Variants in TNNI3K observed in about 807,000 individuals in gnomAD.
TNNI3K encodes TNNI3 interacting kinase.
In TNNI3K, 140 loss-of-function variants were observed where a neutral mutation model predicts 114.5. The ratio of observed to expected loss-of-function variants is 1.22; its 90% CI spans 1.07 to 1.41. The LOEUF (loss-of-function observed/expected upper bound fraction) is 1.41. Ranked by LOEUF, TNNI3K falls within the 40% of genes most tolerant of loss-of-function variation. The pLI is 0.00. For synonymous variants in TNNI3K, 347 were observed against 347.5 expected (o/e 1.00, Z 0.02); for missense variants, 1,125 against 1,007.6 (o/e 1.12, Z -1.58).
chr1:74,524,597 A>G (rs1646477844), intron 23 of TNNI3K, among the ~76,000 whole-genome samples: 1 of 152,234 alleles, frequency 6.6e-6, no homozygotes, highest in Non-Finnish European at 1.5e-5. Flanking sequence ...AGCAATGGGC[A>G]TACTTTAATC....
At chr1:74,479,648 A>G (rs1403597829) in intron 21 of TNNI3K, among the ~76,000 whole-genome samples, 1 of 152,222 alleles carries the variant, frequency 6.6e-6, no homozygotes, top group Non-Finnish European at 1.5e-5. Flanking sequence ...TGAGATTGCC[A>G]TAATAGCATC....
At chr1:74,282,892 C>T (rs1657097019) in intron 5 of TNNI3K, among the ~76,000 whole-genome samples, 1 of 152,096 alleles carries the variant, frequency 6.6e-6, no homozygotes, top group African/African-American at 2.4e-5. Flanking sequence ...CTCAGACTAC[C>T]ATAATTTGGA....
intron 17 of TNNI3K, among the ~76,000 whole-genome samples, chr1:74,404,264 AGG>A: frequency 6.6e-6 from 1 of 152,174 alleles, no homozygotes; most frequent in Non-Finnish European, 1.5e-5. Flanking sequence ...CCACAACCTT[AGG>A]AAATATTGGC....
chr1:74,541,098 G>A (rs546504367), intron 24 of TNNI3K, among the ~76,000 whole-genome samples: 3 of 152,164 alleles, frequency 2.0e-5, no homozygotes, highest in African/African-American at 4.8e-5. Context: ...TTGACTATTT[G>A]AAGGACTGAA....
In TNNI3K at chr1:74,381,897, G is replaced by T. The variant is rs148814520; in HGVS notation, c.1772+11505G>T. Among the ~76,000 whole-genome samples, 1,233 of 152,268 alleles carry T rather than the reference G, an allele frequency of 8.1e-3. 17 individuals carry two copies. Among genetic ancestry groups the T allele is most frequent in the African/African-American group, 0.029 (1,195 of 41,542 alleles). ...CCATTATTTATTTGGAAACATAATGGCAGAGAAGGGGAAGTATCATCAGAG... is the reference window on the plus strand; with the variant it reads ...CCATTATTTATTTGGAAACATAATGTCAGAGAAGGGGAAGTATCATCAGAG... On this transcript the variant is annotated intron_variant, in intron 17 of 24. Transcript: ENST00000326637.
chr1:74,368,763 A>G (rs1296682538), intron 13 of TNNI3K, among the ~76,000 whole-genome samples: 1 of 151,872 alleles, frequency 6.6e-6, no homozygotes, highest in Non-Finnish European at 1.5e-5. Flanking sequence ...CCTGGTAACC[A>G]GATCAGGAAT....
chr1:74,283,216 G>C (rs532662199), intron 5 of TNNI3K, among the ~76,000 whole-genome samples: 1 of 152,126 alleles, frequency 6.6e-6, no homozygotes, highest in African/African-American at 2.4e-5. Flanking sequence ...TGGTTTCCTC[G>C]GGAGTTGAAA....
chr1:74,434,114 T>C (rs1666018280), intron 17 of TNNI3K, among the ~76,000 whole-genome samples: 1 of 152,044 alleles, frequency 6.6e-6, no homozygotes, highest in Admixed American at 6.6e-5. Context: ...AACCAGTCTG[T>C]GATTTCAGAG....
At chr1:74,495,583 A>G (rs771984581) in intron 23 of TNNI3K, among the ~76,000 whole-genome samples, 2 of 152,170 alleles carry the variant, frequency 1.3e-5, no homozygotes, top group Non-Finnish European at 1.5e-5. Flanking sequence ...ACTATTTTAA[A>G]CACTTTAAAT....
chr1:74,256,283 CTTTTTTTTTTTTTT>C (rs61636791), intron 4 of TNNI3K, among the ~76,000 whole-genome samples: 2,593 of 42,842 alleles, frequency 0.061, 84 homozygotes, highest in African/African-American at 0.16. Context: ...TGTGGTCAGT[CTTTTTTTTTTTTTT>C]TTTTTTTTTT....
At chr1:74,282,818 C>T (rs1365114780) in intron 5 of TNNI3K, among the ~76,000 whole-genome samples, 38 of 152,076 alleles carry the variant, frequency 2.5e-4, no homozygotes, top group Non-Finnish European at 1.0e-4. Flanking sequence ...TCTGATAAGT[C>T]TCCCAAAATT....
intron 20 of TNNI3K, among the ~76,000 whole-genome samples, chr1:74,454,528 T>G (rs1333847041): frequency 2.0e-5 from 3 of 152,206 alleles, no homozygotes; most frequent in Admixed American, 6.6e-5. Flanking sequence ...GTTCCATCCA[T>G]GTTGTTGCAA....
chr1:74,347,888 T>C (rs1275226467), intron 9 of TNNI3K, among the ~76,000 whole-genome samples: 1 of 152,254 alleles, frequency 6.6e-6, no homozygotes, highest in African/African-American at 2.4e-5. Flanking sequence ...TTGTAGATTC[T>C]GGATATTAGC....
intron 7 of TNNI3K, among the ~76,000 whole-genome samples, 169 bp downstream of exon 7, chr1:74,336,318 C>A (rs545994265): frequency 5.2e-4 from 79 of 152,122 alleles, no homozygotes; most frequent in African/African-American, 1.7e-3. Context: ...GGCCTACATG[C>A]GAATCCTTCT....
intron 23 of TNNI3K, among the ~76,000 whole-genome samples, chr1:74,509,332 G>A (rs973536114): frequency 6.6e-6 from 1 of 152,082 alleles, no homozygotes; most frequent in Non-Finnish European, 1.5e-5. Context: ...GACATTTGAG[G>A]GTTTCAATTT....
At chr1:74,496,487 A>G (rs1293442173) in intron 23 of TNNI3K, among the ~76,000 whole-genome samples, 1 of 152,168 alleles carries the variant, frequency 6.6e-6, no homozygotes, top group Non-Finnish European at 1.5e-5. Context: ...GGACACCTCA[A>G]CACTGTCTTG....
intron 7 of TNNI3K, 132 bp downstream of exon 7, chr1:74,336,281 C>T (rs1193107805): frequency 7.9e-6 from 9 of 1,144,676 alleles, no homozygotes; most frequent in Non-Finnish European, 9.3e-6. Flanking sequence ...CTCCACAAGT[C>T]ATAATTCATC....
chr1:74,386,032 A>G (rs189286511), intron 17 of TNNI3K, among the ~76,000 whole-genome samples: 15 of 152,324 alleles, frequency 9.8e-5, no homozygotes, highest in African/African-American at 3.4e-4. Context: ...TTCGCATGAT[A>G]GTGAATAAGT....
At chr1:74,445,627 T>TTTTTTG (rs1666613900) in intron 20 of TNNI3K, among the ~76,000 whole-genome samples, 1 of 147,240 alleles carries the variant, frequency 6.8e-6, no homozygotes, top group African/African-American at 2.5e-5. Context: ...TTTCTTTTTT[T>TTTTTTG]TGAGACGGAG....
Sources: gnomAD v4.1 joint callset for allele counts (sites outside exome capture counted in the v4.1 genomes callset) on GRCh38, gnomAD v4.1.1 for gene constraint, MANE v1.5 for transcripts, NCBI Gene and HGNC (gene_info 2026-07-23, HGNC 2026-07-21) for gene names.